STK3: variants seen among roughly 807,000 people sequenced by gnomAD.
STK3 encodes the protein serine/threonine kinase 3.
A neutral mutation model predicts 58.0 loss-of-function variants in STK3; 41 were observed. The observed-to-expected ratio is 0.71, with a 90% CI of 0.55 to 0.92. STK3 has a LOEUF of 0.92. STK3 is among the 40% of genes least tolerant of loss of function. The pLI is 0.00. For missense variants in STK3, 479 were observed against 602.7 expected, an observed-to-expected ratio of 0.79 and a Z score of 2.15; for synonymous variants, 170 against 191.0, an observed-to-expected ratio of 0.89 and a Z score of 0.91.
At chr8:98,519,831 A>T (rs140876611) in intron 10 of STK3, among the ~76,000 whole-genome samples, 11 of 152,268 alleles carry the variant, frequency 7.2e-5, no homozygotes, top group African/African-American at 2.4e-4. Flanking sequence ...AATCAGAGTA[A>T]TTAAGAAATG....
At chr8:98,571,493 C>G (rs1812962554) in intron 8 of STK3, among the ~76,000 whole-genome samples, 1 of 152,164 alleles carries the variant, frequency 6.6e-6, no homozygotes, top group African/African-American at 2.4e-5. Flanking sequence ...TCTCCCCACA[C>G]CCATGCTGAG....
rs2131067759 is a variant in STK3 at position 98,428,222 on chromosome 8, G to A, written n.483+5905C>T. 1.2e-6 allele frequency: 2 copies of A among 1,614,144 alleles called. No individual in the cohort carries two copies. Among genetic ancestry groups the A allele is most frequent in the East Asian group, 2.2e-5 (1 of 44,880 alleles). On this transcript the variant is annotated intron_variant and non_coding_transcript_variant, in intron 3 of 3. Transcript: ENST00000517832. This position sits in a 1 kb window ranked among gnomAD's most constrained non-coding sequence, Gnocchi z 6.7. The stretch of plus-strand genomic sequence containing the variant: ...GCAACCCTGAGCTCTTCCCCTACGT[G>A]CTGCATTTCTATCACACCGGCAAGC...
At chr8:98,707,826 T>C (rs1017767117) in intron 4 of STK3, among the ~76,000 whole-genome samples, 2 of 152,058 alleles carry the variant, frequency 1.3e-5, no homozygotes, top group African/African-American at 4.8e-5. Context: ...GAAAGGATGA[T>C]CAAATTTCTC....
chr8:98,585,238 T>G (rs1166710040), intron 7 of STK3, among the ~76,000 whole-genome samples: 2 of 152,080 alleles, frequency 1.3e-5, no homozygotes, highest in East Asian at 1.9e-4. Context: ...GGTCTAACGT[T>G]TAAGTCTTTA....
rs182445845 is a variant in STK3 at position 98,807,944 on chromosome 8, T to A, written c.26+17571A>T. ...AGTAGTTTCATTAATAAACAAGGCC[T>A]GACCATGTTGGAAGGCTGAAACAGA... On this transcript the variant is annotated intron_variant, in intron 1 of 10. Transcript: ENST00000419617. Among the ~76,000 whole-genome samples, 84 of 152,248 alleles carry A rather than the reference T, an allele frequency of 5.5e-4. 1 individual carries two copies. The highest frequency in any genetic ancestry group is 1.7e-3 in the African/African-American group (71 of 41,556).
chr8:98,654,874 A>G (rs1821341608), intron 6 of STK3, among the ~76,000 whole-genome samples: 1 of 152,168 alleles, frequency 6.6e-6, no homozygotes, highest in African/African-American at 2.4e-5. Flanking sequence ...GCTCATGGGT[A>G]GGAAGAATCA....
chr8:98,630,074 G>C (rs1360872050), intron 6 of STK3, among the ~76,000 whole-genome samples: 1 of 151,990 alleles, frequency 6.6e-6, no homozygotes, highest in Admixed American at 6.6e-5. Context: ...CATGATAAAG[G>C]CTCTCCCCCA....
At chr8:98,821,233 T>C (rs1834878675) in intron 1 of STK3, among the ~76,000 whole-genome samples, 1 of 152,124 alleles carries the variant, frequency 6.6e-6, no homozygotes, top group Non-Finnish European at 1.5e-5. Flanking sequence ...GCGAACCCTA[T>C]TGTGCTGTGC....
intron 6 of STK3, among the ~76,000 whole-genome samples, chr8:98,642,412 C>T (rs1006481991): frequency 3.9e-5 from 6 of 152,068 alleles, no homozygotes; most frequent in African/African-American, 1.2e-4. Flanking sequence ...TATTAAGTGC[C>T]TCCAGCAGGA....
intron 6 of STK3, among the ~76,000 whole-genome samples, chr8:98,678,254 C>G (rs1823369266): frequency 6.6e-6 from 1 of 151,840 alleles, no homozygotes; most frequent in South Asian, 2.1e-4. Flanking sequence ...TAATTTCCTC[C>G]AATAGAGAGT....
intron 6 of STK3, among the ~76,000 whole-genome samples, chr8:98,673,165 T>A (rs2130853320): frequency 6.6e-6 from 1 of 152,358 alleles, no homozygotes; most frequent in South Asian, 2.1e-4. Context: ...CAATGTTATA[T>A]AATTCCCTTT....
the STK3 span, among the ~76,000 whole-genome samples, chr8:98,348,495 G>A: frequency 6.6e-6 from 1 of 152,164 alleles, no homozygotes; most frequent in Non-Finnish European, 1.5e-5. Flanking sequence ...CACAGATGGG[G>A]AGAAAATATT....
chr8:98,389,060 C>A (rs937905500), upstream of STK3, among the ~76,000 whole-genome samples: 2 of 152,118 alleles, frequency 1.3e-5, no homozygotes, highest in Non-Finnish European at 2.9e-5. Context: ...TATAAGCCAC[C>A]TCCCATGACT....
At chr8:98,371,760 G>A (rs888138298) in intron 2 of STK3, 5 of 152,110 alleles carry the variant, frequency 3.3e-5, no homozygotes, top group East Asian at 1.9e-4. Flanking sequence ...TGGAACCTTC[G>A]TCTCAGTTGC....
At chr8:98,532,489 T>C (rs758910928) in intron 9 of STK3, among the ~76,000 whole-genome samples, 8 of 152,092 alleles carry the variant, frequency 5.3e-5, no homozygotes, top group Non-Finnish European at 8.8e-5. Context: ...ATAATAATGA[T>C]GAAAAGGTTT....
chr8:98,920,255 C>CA (rs1232704418), intron 1 of STK3, among the ~76,000 whole-genome samples: 6 of 152,108 alleles, frequency 3.9e-5, no homozygotes, highest in East Asian at 3.9e-4. Context: ...TCTCATCACA[C>CA]AAAAAAATTG....
At chr8:98,741,326 A>C (rs1347505785) in intron 4 of STK3, among the ~76,000 whole-genome samples, 1 of 152,202 alleles carries the variant, frequency 6.6e-6, no homozygotes, top group East Asian at 1.9e-4. Flanking sequence ...CTGTTCCAAA[A>C]TTGACCACAT....
chr8:98,674,585 T>C lies in STK3; in HGVS notation c.684+31882A>G, dbSNP rs558038207. Among the ~76,000 whole-genome samples, 15 of 152,226 alleles carry C rather than the reference T, an allele frequency of 9.9e-5. No homozygotes were observed. The South Asian group carries it at 2.3e-3, about 23-fold the overall frequency. On this transcript the variant is annotated intron_variant, in intron 6 of 10. Transcript: ENST00000419617. ...TATCAAACTTAACACATTTATACTA[T>C]AGTTTAAAGAATATGTCAACAAATG...
intron 4 of STK3, among the ~76,000 whole-genome samples, chr8:98,726,152 A>T (rs1255192427): frequency 6.6e-6 from 1 of 152,206 alleles, no homozygotes; most frequent in Non-Finnish European, 1.5e-5. Flanking sequence ...AATAAAGTGT[A>T]TGAAGGTGGG....
Sources: gnomAD v4.1 joint callset for allele counts (sites outside exome capture counted in the v4.1 genomes callset) on GRCh38, gnomAD v4.1.1 for gene constraint, Gnocchi (gnomAD v3.1) non-coding constraint, MANE v1.5 for transcripts, NCBI Gene and HGNC (gene_info 2026-07-23, HGNC 2026-07-21) for gene names.